The following ASPH variants were observed in gnomAD, a reference collection of about 807,000 sequenced individuals.
ASPH encodes aspartate beta-hydroxylase, also known as aspartyl/asparaginyl beta-hydroxylase.
ASPH carries 100 observed loss-of-function variants against 118.4 expected under a neutral mutation model. That is an observed-to-expected ratio of 0.84 (90% CI 0.72 to 1.00). The LOEUF is 1.00. Among genes scored for constraint, ASPH ranks in the 50% least tolerant of loss-of-function variants. ASPH has a pLI of 0.00. For synonymous variants in ASPH, 315 were observed against 325.6 expected (o/e 0.97, Z 0.35); for missense variants, 920 against 919.5 (o/e 1.00, Z -0.01).
chr8:61,664,910 A>T (rs867011076), intron 3 of ASPH: 2 of 1,034,816 alleles, frequency 1.9e-6, no homozygotes, highest in Middle Eastern at 4.5e-4. Flanking sequence ...TATGCACAGA[A>T]ATAACATTTA....
chr8:61,582,167 G>C (rs1837772475), intron 15 of ASPH, among the ~76,000 whole-genome samples: 1 of 152,256 alleles, frequency 6.6e-6, no homozygotes, highest in East Asian at 1.9e-4. Context: ...ATTGTATATG[G>C]GGCTACTTCT....
intron 24 of ASPH, among the ~76,000 whole-genome samples, chr8:61,514,989 A>G (rs1262286296): frequency 7.2e-6 from 1 of 138,326 alleles, no homozygotes; most frequent in Admixed American, 7.3e-5. Flanking sequence ...GGAGGGAGGG[A>G]GAGAGGGAGG....
chr8:61,712,402 T>C (rs746736217), intron 1 of ASPH, among the ~76,000 whole-genome samples: 1 of 152,186 alleles, frequency 6.6e-6, no homozygotes. Context: ...GAACTCAGTA[T>C]CTACTGGAGA....
At chr8:61,610,937 G>A (rs1223038176) in intron 14 of ASPH, among the ~76,000 whole-genome samples, 5 of 152,212 alleles carry the variant, frequency 3.3e-5, no homozygotes. Flanking sequence ...GTGCATCAAT[G>A]GAATGGACCC....
intron 24 of ASPH, among the ~76,000 whole-genome samples, chr8:61,515,295 C>T (rs1244227730): frequency 6.6e-6 from 1 of 152,152 alleles, no homozygotes; most frequent in African/African-American, 2.4e-5. Flanking sequence ...GTCCCTGCTC[C>T]TTTTCACTTT....
chr8:61,644,799 T>C (rs968321367), intron 6 of ASPH, among the ~76,000 whole-genome samples, 167 bp from the exon 7 acceptor site: 7 of 152,146 alleles, frequency 4.6e-5, no homozygotes, highest in Non-Finnish European at 1.0e-4. Flanking sequence ...TCACTAGAAG[T>C]ACACTGTGGG....
intron 10 of ASPH, among the ~76,000 whole-genome samples, chr8:61,641,073 G>C (rs973206673): frequency 1.3e-5 from 2 of 152,140 alleles, no homozygotes; most frequent in African/African-American, 4.8e-5. Flanking sequence ...TGTTCAATTA[G>C]ATCTATTTGT....
intron 22 of ASPH, among the ~76,000 whole-genome samples, chr8:61,518,405 C>T (rs962623052): frequency 6.6e-6 from 1 of 152,204 alleles, no homozygotes. Flanking sequence ...ACAGACAAGA[C>T]ACAGGTTAAA....
chr8:61,642,290 T>C (rs1274843219), intron 10 of ASPH, among the ~76,000 whole-genome samples: 2 of 152,260 alleles, frequency 1.3e-5, no homozygotes, highest in African/African-American at 4.8e-5. Context: ...TAGTTGTTCA[T>C]GCATATTTTA....
At chr8:61,651,506 T>G (rs1810962632) in intron 4 of ASPH, 1 of 182,006 alleles carries the variant, frequency 5.5e-6, no homozygotes, top group Non-Finnish European at 1.1e-5. Context: ...TAGTTGGAAA[T>G]AAAGACAGAA....
chr8:61,585,448 A>G (rs888934033), intron 14 of ASPH, among the ~76,000 whole-genome samples: 2 of 152,220 alleles, frequency 1.3e-5, no homozygotes, highest in African/African-American at 4.8e-5. Flanking sequence ...ATAAACCTAC[A>G]GACGTTAATA....
chr8:61,590,599 C>T (rs1840830639), intron 14 of ASPH, among the ~76,000 whole-genome samples: 1 of 146,930 alleles, frequency 6.8e-6, no homozygotes, highest in Non-Finnish European at 1.5e-5. Flanking sequence ...TGAATTTCTC[C>T]CACTAGCCCA....
intron 1 of ASPH, among the ~76,000 whole-genome samples, chr8:61,692,891 G>C (rs535214686): frequency 6.6e-6 from 1 of 151,958 alleles, no homozygotes; most frequent in African/African-American, 2.4e-5. Context: ...TCAAGGAAGG[G>C]AAGTAGTTCT....
Position 61,501,138 on chromosome 8 carries a change from A to ATAAC in ASPH, c.*2217_*2220dup. On this transcript the variant is annotated 3_prime_UTR_variant, in exon 25 of 25. Transcript: ENST00000379454. ...GTAGACATACGAAATCACAAAAATA[A>ATAAC]TAACACTGAAATAATTCTACCAATG... 1 of 152,276 alleles carries ATAAC rather than the reference A, an allele frequency of 6.6e-6. No homozygotes were observed. Among genetic ancestry groups the ATAAC allele is most frequent in the South Asian group, 2.1e-4 (1 of 4,830 alleles). 9.4% of individuals were successfully genotyped at this position (152,276 alleles called of 1,614,324 possible).
chr8:61,672,680 T>C (rs1212286692), intron 3 of ASPH, among the ~76,000 whole-genome samples: 1 of 152,200 alleles, frequency 6.6e-6, no homozygotes, highest in Non-Finnish European at 1.5e-5. Flanking sequence ...ATCTGGTTCC[T>C]AGTTTCAAGG....
intron 1 of ASPH, among the ~76,000 whole-genome samples, chr8:61,708,423 T>TA (rs2151915582): frequency 6.6e-6 from 1 of 152,228 alleles, no homozygotes; most frequent in Admixed American, 6.5e-5. Context: ...GTCAAAAAAT[T>TA]AAGTGTCCTA....
intron 10 of ASPH, among the ~76,000 whole-genome samples, chr8:61,641,550 A>G (rs1199143235): frequency 3.9e-5 from 6 of 152,222 alleles, no homozygotes; most frequent in Non-Finnish European, 5.9e-5. Context: ...CATAAAAATT[A>G]TCAGTACCTT....
chr8:61,580,848 G>A (rs537494279), intron 15 of ASPH, among the ~76,000 whole-genome samples: 1 of 152,232 alleles, frequency 6.6e-6, no homozygotes, highest in South Asian at 2.1e-4. Flanking sequence ...CTATCTCAAT[G>A]TCCTTAATCA....
chr8:61,613,970 C>T (rs939611681), intron 14 of ASPH, among the ~76,000 whole-genome samples: 1 of 152,124 alleles, frequency 6.6e-6, no homozygotes, highest in Non-Finnish European at 1.5e-5. Flanking sequence ...AAACTAAGAA[C>T]TATCCATATG....
Sources: gnomAD v4.1 joint callset for allele counts (sites outside exome capture counted in the v4.1 genomes callset) on GRCh38, gnomAD v4.1.1 for gene constraint, MANE v1.5 for transcripts, NCBI Gene and HGNC (gene_info 2026-07-23, HGNC 2026-07-21) for gene names.